The following POLA2 variants were observed in gnomAD, a reference collection of about 807,000 sequenced individuals.
POLA2 encodes DNA polymerase alpha 2, accessory subunit, also known as DNA polymerase alpha subunit B.
A neutral mutation model predicts 82.8 loss-of-function variants in POLA2; 47 were observed. The observed-to-expected ratio is 0.57, with a 90% confidence interval of 0.45 to 0.72. The LOEUF is 0.72. Ranked by LOEUF, POLA2 falls within the 30% of genes least tolerant of loss-of-function variation. POLA2 has a pLI of 0.00. For synonymous variants in POLA2, 287 were observed against 286.8 expected, an observed-to-expected ratio of 1.00 and a Z score of -0.01; for missense variants, 634 against 728.1, an observed-to-expected ratio of 0.87 and a Z score of 1.49.
At chr11:65,269,145 T>C (rs866653275) in intron 4 of POLA2, among the ~76,000 whole-genome samples, 19 of 152,158 alleles carry the variant, frequency 1.2e-4, no homozygotes, top group African/African-American at 4.6e-4. Flanking sequence ...TCTGAGACAG[T>C]TTCCTTATCC....
chr11:65,292,361 G>A (rs1490354339), intron 13 of POLA2, among the ~76,000 whole-genome samples: 1 of 152,230 alleles, frequency 6.6e-6, no homozygotes, highest in African/African-American at 2.4e-5. Flanking sequence ...GTGCAATGCT[G>A]AGCATAGTTG....
intron 3 of POLA2, 88 bp from the exon 4 acceptor site, chr11:65,268,584 C>T (rs1341104378): frequency 3.8e-5 from 29 of 759,838 alleles, no homozygotes; most frequent in South Asian, 4.7e-5. Context: ...TCTCGTGATC[C>T]GCCCATCTCG....
At chr11:65,296,835 G>A (rs1197498963) in intron 17 of POLA2, among the ~76,000 whole-genome samples, 1 of 151,722 alleles carries the variant, frequency 6.6e-6, no homozygotes, top group African/African-American at 2.4e-5. Flanking sequence ...TGTAATCCAA[G>A]CTACCTGGGA....
Position 65,294,630 on chromosome 11 carries a change from C to T in POLA2, c.1438C>T (p.Leu480=), listed in dbSNP as rs1297760826. 1.2e-6 allele frequency: 2 copies of T among 1,613,672 alleles called. No individual in the cohort carries two copies. The highest frequency in any genetic ancestry group is 1.7e-6 in the Non-Finnish European group (2 of 1,179,762). Residue 480 remains leucine (L), a synonymous_variant, in exon 15 of 18, where the codon CTG becomes TTG. Transcript: ENST00000265465. ...GLTSTDLLFH[L]GAEEISSSSG... Reference sequence around the variant, plus strand: ...GACATCCACAGATCTGCTTTTCCACCTGGGGGCCGAGGAGATCAGTAGGTA... The same window carrying T: ...GACATCCACAGATCTGCTTTTCCACTTGGGGGCCGAGGAGATCAGTAGGTA...
rs1173191689 is a variant in POLA2, at chr11:65,262,303, C to G, written c.11C>G (p.Ser4Cys). The change falls in exon 1 of 18, where the codon TCC becomes TGC. Residue 4 changes from serine (S) to cysteine (C), a missense_variant. Coordinates refer to ENST00000265465, the MANE Select transcript of POLA2 (RefSeq NM_002689.4). MSA[S>C]AQQLAEELQI... ...CTGGCTTGGGCGACCATGTCCGCAT[C>G]CGCCCAGCAGCTGGCGGAGGAGCTG... is the stretch of plus-strand genomic sequence containing the variant. The G allele has an allele frequency of 6.2e-7, 1 of 1,613,228 alleles. No individual in the cohort carries two copies. Among genetic ancestry groups the G allele is most frequent in the Non-Finnish European group, 8.5e-7 (1 of 1,179,638 alleles).
At chr11:65,305,607 G>A (rs910122022), downstream of POLA2, 42 of 355,992 alleles carry the variant, frequency 1.2e-4, no homozygotes, top group African/African-American at 7.1e-4. Flanking sequence ...CCAGGAGGTC[G>A]AGGCTGCAGT....
chr11:65,287,624 A>ATT, intron 10 of POLA2, 92 bp from the exon 11 acceptor site: 1 of 1,209,286 alleles, frequency 8.3e-7, no homozygotes, highest in Admixed American at 2.0e-5. Flanking sequence ...TCAATGAGTT[A>ATT]AATCCTGTGG....
chr11:65,298,837 C>T (rs1949840674), downstream of POLA2, among the ~76,000 whole-genome samples: 1 of 152,226 alleles, frequency 6.6e-6, no homozygotes, highest in African/African-American at 2.4e-5. Flanking sequence ...GGCACCATGA[C>T]TTGTCAGCCT....
Position 65,275,981 on chromosome 11 carries a change from G to T in POLA2, c.444G>T (p.Pro148=), listed in dbSNP as rs371108659. 1.0e-5 allele frequency: 16 copies of T among 1,598,810 alleles called. No homozygotes were observed. The highest frequency in any genetic ancestry group is 1.7e-4 in the Middle Eastern group (1 of 6,036). ...GTAGCCCCCATCAGCTACTCTCACC[G>T]TCAAGTTTCTCTCCAAGGTATGGAT... is the stretch of plus-strand genomic sequence containing the variant. ...STRSPHQLLS[P]SSFSPSATPS... is the part of the protein sequence containing the mutation. Residue 148 remains proline (P), a synonymous_variant, in exon 5 of 18, where the codon CCG becomes CCT. Transcript: ENST00000265465.
At chr11:65,287,469 T>C (rs1273318447) in intron 10 of POLA2, 1 of 335,184 alleles carries the variant, frequency 3.0e-6, no homozygotes, top group Non-Finnish European at 5.5e-6. Context: ...ATCTTTCATG[T>C]GCACAGCTCA....
chr11:65,278,952 T>C, intron 6 of POLA2, 29 bp downstream of exon 6: 1 of 1,603,194 alleles, frequency 6.2e-7, no homozygotes, highest in South Asian at 1.1e-5. Flanking sequence ...GAAATTCTGG[T>C]GGATATAAAA....
chr11:65,294,470 G>T, intron 14 of POLA2, 76 bp from the exon 15 acceptor site: 2 of 1,339,224 alleles, frequency 1.5e-6, no homozygotes, highest in Non-Finnish European at 2.1e-6. Context: ...CCAGCCCTCA[G>T]ACAACCCCCA....
At chr11:65,280,269 G>A (rs1949626235) in intron 7 of POLA2, among the ~76,000 whole-genome samples, 1 of 152,212 alleles carries the variant, frequency 6.6e-6, no homozygotes, top group Non-Finnish European at 1.5e-5. Flanking sequence ...AAGGCAGGGA[G>A]GCACAATCAC....
intron 8 of POLA2, among the ~76,000 whole-genome samples, chr11:65,304,759 C>T (rs898767864): frequency 3.9e-5 from 6 of 152,112 alleles, no homozygotes; most frequent in East Asian, 3.9e-4. Flanking sequence ...GGCTGGGCAC[C>T]GCCGACAGCT....
Position 65,266,657 on chromosome 11 carries a change from C to G in POLA2, c.155C>G (p.Thr52Arg). 1 of 1,614,124 alleles carries G rather than the reference C, an allele frequency of 6.2e-7. No individual in the cohort carries two copies. Among genetic ancestry groups the G allele is most frequent in the South Asian group, 1.1e-5 (1 of 91,088 alleles). The change falls in exon 2 of 18, where the codon ACA becomes AGA. Residue 52 changes from threonine to arginine, a missense_variant. By Grantham distance (71) the Thr-to-Arg change is moderately conservative. Transcript: ENST00000265465. ...GAGCTTATAGCCTTCTGCACCAGCA[C>G]ACATAAAGTTGGCCTTACCTCAGAG... is the stretch of plus-strand genomic sequence containing the variant. ...VGELIAFCTS[T>R]HKVGLTSEIL...
chr11:65,263,827 C>CAA (rs772298270), intron 1 of POLA2, among the ~76,000 whole-genome samples: 2 of 103,312 alleles, frequency 1.9e-5, no homozygotes, highest in African/African-American at 3.7e-5. Flanking sequence ...GACTCTGTCT[C>CAA]AAAAAAAAAA....
At chr11:65,282,606 G>A in intron 10 of POLA2, 85 bp downstream of exon 10, 1 of 1,114,808 alleles carries the variant, frequency 9.0e-7, no homozygotes, top group Non-Finnish European at 1.4e-6. Flanking sequence ...GCCCAAGAAA[G>A]CTGCAGAAGC....
chr11:65,285,219 C>A (rs1190886554), intron 10 of POLA2, among the ~76,000 whole-genome samples: 3 of 152,086 alleles, frequency 2.0e-5, no homozygotes, highest in Non-Finnish European at 2.9e-5. Flanking sequence ...TTCTGGCCAA[C>A]AAGCTGAAAC....
intron 13 of POLA2, among the ~76,000 whole-genome samples, chr11:65,292,008 G>C (rs1167856593): frequency 6.6e-6 from 1 of 152,226 alleles, no homozygotes; most frequent in Non-Finnish European, 1.5e-5. Flanking sequence ...GGAGACTGAG[G>C]CGGGCAGATC....
Sources: gnomAD v4.1 joint callset for allele counts (sites outside exome capture counted in the v4.1 genomes callset) on GRCh38, gnomAD v4.1.1 for gene constraint, MANE v1.5 for transcripts, NCBI Gene and HGNC (gene_info 2026-07-23, HGNC 2026-07-21) for gene names.